The following EXOC6B variants were observed in gnomAD, a reference collection of about 807,000 sequenced individuals.
The protein encoded by EXOC6B is exocyst complex component 6B, also known as SEC15 homolog B.
EXOC6B carries 54 observed loss-of-function variants against 113.5 expected under a neutral mutation model. The observed-to-expected ratio is 0.48, with a 90% CI of 0.38 to 0.60. The LOEUF is 0.60. EXOC6B is among the 20% of genes least tolerant of loss of function. EXOC6B has a pLI of 0.00. For synonymous variants in EXOC6B, 357 were observed against 339.0 expected (o/e 1.05, Z -0.58); for missense variants, 797 against 977.5 (o/e 0.82, Z 2.46).
intron 18 of EXOC6B, among the ~76,000 whole-genome samples, chr2:72,431,902 G>T (rs977136483): frequency 3.3e-5 from 5 of 151,980 alleles, no homozygotes; most frequent in African/African-American, 1.2e-4. Context: ...ACAATGTTTG[G>T]TTTTCTGTTC....
chr2:72,518,517 TGTG>T (rs1701329420), intron 8 of EXOC6B, among the ~76,000 whole-genome samples: 1 of 150,206 alleles, frequency 6.7e-6, no homozygotes, highest in Non-Finnish European at 1.5e-5. Flanking sequence ...TGTGTGTGTG[TGTG>T]GTGGGTGGGG....
chr2:72,617,770 C>T (rs1170899877), intron 6 of EXOC6B, among the ~76,000 whole-genome samples: 5 of 151,974 alleles, frequency 3.3e-5, no homozygotes, highest in African/African-American at 7.3e-5. Context: ...CTGCCTCAGC[C>T]GCCCAAAGTG....
chr2:72,224,798 CTGTG>C (rs34910404), intron 20 of EXOC6B, among the ~76,000 whole-genome samples: 11 of 144,250 alleles, frequency 7.6e-5, no homozygotes, highest in South Asian at 2.2e-4. Context: ...TCCAGCTAAT[CTGTG>C]TGTGTGTGTG....
At chr2:72,263,340 A>G (rs1275705017) in intron 20 of EXOC6B, 1 of 152,226 alleles carries the variant, frequency 6.6e-6, no homozygotes, top group African/African-American at 2.4e-5. Context: ...GCCAAAAGTG[A>G]TATTTAATCC....
intron 8 of EXOC6B, among the ~76,000 whole-genome samples, chr2:72,543,283 A>G (rs1412173062): frequency 6.6e-6 from 1 of 152,168 alleles, no homozygotes; most frequent in Non-Finnish European, 1.5e-5. Context: ...ATGGGAAACA[A>G]ATATTTTAAG....
At chr2:72,712,942 G>T (rs1679365543) in intron 6 of EXOC6B, among the ~76,000 whole-genome samples, 1 of 152,216 alleles carries the variant, frequency 6.6e-6, no homozygotes, top group Admixed American at 6.5e-5. Flanking sequence ...ATAAAACCTT[G>T]CATACAAAAG....
intron 6 of EXOC6B, among the ~76,000 whole-genome samples, chr2:72,691,076 T>C (rs143941218): frequency 7.2e-5 from 11 of 152,060 alleles, no homozygotes; most frequent in South Asian, 4.2e-4. Flanking sequence ...CTGGGAAACA[T>C]AGCAAGACTC....
At chr2:72,665,275 T>G (rs558922598) in intron 6 of EXOC6B, among the ~76,000 whole-genome samples, 17 of 151,870 alleles carry the variant, frequency 1.1e-4, no homozygotes, top group Non-Finnish European at 2.2e-4. Context: ...TTGGAAAAAA[T>G]ATTTGAAGAT....
chr2:72,308,098 CT>C (rs1354673448), intron 20 of EXOC6B, among the ~76,000 whole-genome samples: 3 of 152,178 alleles, frequency 2.0e-5, no homozygotes, highest in Non-Finnish European at 2.9e-5. Flanking sequence ...AAAGAAATCT[CT>C]TCCGCAGAGA....
intron 20 of EXOC6B, among the ~76,000 whole-genome samples, chr2:72,296,908 G>T (rs1686171563): frequency 1.3e-5 from 2 of 152,202 alleles, no homozygotes; most frequent in African/African-American, 4.8e-5. Context: ...CCTGCAGAAG[G>T]AAGGAGGACA....
chr2:72,332,410 G>A (rs182744607), intron 20 of EXOC6B, among the ~76,000 whole-genome samples: 6 of 152,036 alleles, frequency 3.9e-5, no homozygotes, highest in Non-Finnish European at 7.4e-5. Flanking sequence ...ATGAGAAATA[G>A]GTAACAATGT....
At chr2:72,473,193 T>C (rs977312612) in intron 17 of EXOC6B, among the ~76,000 whole-genome samples, 1 of 152,258 alleles carries the variant, frequency 6.6e-6, no homozygotes, top group South Asian at 2.1e-4. Flanking sequence ...TGTTAAGTCC[T>C]TTCGGTCTAA....
chr2:72,815,617 T>A lies in EXOC6B; in HGVS notation c.113+10181A>T, dbSNP rs112101563. On this transcript the variant is annotated intron_variant, in intron 1 of 21. Coordinates refer to ENST00000272427, the MANE Select transcript of EXOC6B (RefSeq NM_015189.3). ...TCACTCACAATAAGAAAAATAAAAATAAAAACTACACTGAAACACTACTTA... is the reference window on the plus strand; with the variant it reads ...TCACTCACAATAAGAAAAATAAAAAAAAAAACTACACTGAAACACTACTTA... 6.6e-4 allele frequency among the ~76,000 whole-genome samples: 100 copies of A among 151,578 alleles called. 1 individual carries two copies. The highest frequency in any genetic ancestry group is 2.2e-3 in the African/African-American group (90 of 41,326).
At chr2:72,284,581 A>C (rs1362573169) in intron 20 of EXOC6B, among the ~76,000 whole-genome samples, 1 of 152,068 alleles carries the variant, frequency 6.6e-6, no homozygotes, top group East Asian at 1.9e-4. Flanking sequence ...TCCTACTAAG[A>C]TCAAAACCAC....
intron 20 of EXOC6B, among the ~76,000 whole-genome samples, chr2:72,224,139 T>C (rs570122759): frequency 6.6e-6 from 1 of 152,260 alleles, no homozygotes; most frequent in Non-Finnish European, 1.5e-5. Context: ...AAACATCTAG[T>C]TTGCATTTGC....
intron 8 of EXOC6B, among the ~76,000 whole-genome samples, chr2:72,540,210 G>C (rs1168711236): frequency 2.0e-5 from 3 of 151,836 alleles, no homozygotes; most frequent in Non-Finnish European, 1.5e-5. Flanking sequence ...GGACATTTGG[G>C]TTGGTTCCAA....
At chr2:72,315,460 G>A (rs1196707781) in intron 20 of EXOC6B, among the ~76,000 whole-genome samples, 1 of 152,110 alleles carries the variant, frequency 6.6e-6, no homozygotes, top group Non-Finnish European at 1.5e-5. Flanking sequence ...GGAATGATAT[G>A]ATCTGACTTG....
At chr2:72,739,635 T>C (rs922332893) in intron 2 of EXOC6B, among the ~76,000 whole-genome samples, 4 of 152,096 alleles carry the variant, frequency 2.6e-5, no homozygotes, top group Admixed American at 2.0e-4. Context: ...CTACTAGTTC[T>C]TTCATGGTTT....
chr2:72,547,608 T>C (rs1249133323), intron 8 of EXOC6B, among the ~76,000 whole-genome samples: 1 of 152,136 alleles, frequency 6.6e-6, no homozygotes, highest in Admixed American at 6.5e-5. Flanking sequence ...ACATACACCC[T>C]TCCAGTGATA....
Sources: allele counts gnomAD v4.1 joint callset (sites outside exome capture counted in the v4.1 genomes callset), GRCh38; gene constraint gnomAD v4.1.1; transcripts MANE v1.5; gene names NCBI Gene and HGNC (gene_info 2026-07-23, HGNC 2026-07-21).